CUX1: variants seen among roughly 807,000 people sequenced by gnomAD.
CUX1 encodes the protein protein CASP.
Under a neutral mutation model 158.8 loss-of-function variants are expected in CUX1, and 31 were observed. The ratio of observed to expected loss-of-function variants is 0.20; its 90% confidence interval spans 0.15 to 0.26. The LOEUF is 0.26. Ranked by LOEUF, CUX1 falls within the 10% of genes least tolerant of loss-of-function variation. CUX1 has a pLI of 1.00. For missense variants in CUX1, 1,589 were observed against 2,014.6 expected, an observed-to-expected ratio of 0.79 and a Z score of 4.04; for synonymous variants, 879 against 862.1, an observed-to-expected ratio of 1.02 and a Z score of -0.34.
chr7:101,963,173 A>G (rs899797073), intron 2 of CUX1, among the ~76,000 whole-genome samples: 1 of 152,192 alleles, frequency 6.6e-6, no homozygotes, highest in African/African-American at 2.4e-5. Flanking sequence ...ACCTGGCAGG[A>G]AAATTCCCTG....
intron 8 of CUX1, among the ~76,000 whole-genome samples, chr7:102,136,322 GA>G (rs201569490): frequency 6.7e-6 from 1 of 148,446 alleles, no homozygotes; most frequent in Non-Finnish European, 1.5e-5. Flanking sequence ...TAGTTTAAAA[GA>G]AAAAAAAACA....
chr7:102,246,723 C>T (rs1554537088), intron 23 of CUX1, among the ~76,000 whole-genome samples: 1 of 152,190 alleles, frequency 6.6e-6, no homozygotes, highest in Non-Finnish European at 1.5e-5. Flanking sequence ...GTACCTGCCA[C>T]CACGCCTGGC....
Position 102,070,389 on chromosome 7 carries a change from T to A in CUX1, c.240T>A (p.Asn80Lys), listed in dbSNP as rs1397038203. The A allele has an allele frequency of 6.2e-7, 1 of 1,610,866 alleles. No homozygotes were observed. Among genetic ancestry groups the A allele is most frequent in the East Asian group, 2.2e-5 (1 of 44,764 alleles). The change falls in exon 4 of 24, where the codon AAT (asparagine) becomes AAA (lysine). Residue 80 changes from asparagine (N) to lysine (K), a missense_variant. By Grantham distance (94) the Asn-to-Lys change is moderately conservative. Transcript: ENST00000292535. ...RSKEAEAAFL[N>K]VYKRLIDVPD... is the part of the protein sequence containing the mutation. Reference sequence around the variant, plus strand: ...AGGAAGCTGAAGCAGCTTTCTTGAATGTCTACAAAAGATTGATTGACGTCC... The same window carrying A: ...AGGAAGCTGAAGCAGCTTTCTTGAAAGTCTACAAAAGATTGATTGACGTCC...
At chr7:102,225,513 A>G (rs1395774295) in intron 20 of CUX1, among the ~76,000 whole-genome samples, 2 of 152,180 alleles carry the variant, frequency 1.3e-5, no homozygotes, top group African/African-American at 4.8e-5. Context: ...TGGGCTATCT[A>G]CTATGGTGCT....
chr7:101,842,609 C>T (rs536201971), intron 1 of CUX1, among the ~76,000 whole-genome samples: 3 of 152,290 alleles, frequency 2.0e-5, no homozygotes, highest in Non-Finnish European at 2.9e-5. Context: ...TGGTCTTTAA[C>T]TCCCGGACTC....
intron 1 of CUX1, among the ~76,000 whole-genome samples, chr7:101,887,417 C>G (rs923632636): frequency 3.9e-5 from 6 of 152,034 alleles, no homozygotes; most frequent in Admixed American, 2.0e-4. Flanking sequence ...AGCAGTCCTC[C>G]TACCTCAGCC....
At chr7:102,239,944 A>G (rs948108873) in intron 23 of CUX1, among the ~76,000 whole-genome samples, 12 of 152,080 alleles carry the variant, frequency 7.9e-5, no homozygotes, top group African/African-American at 2.9e-4. Flanking sequence ...ACGGGGTTTC[A>G]CTATGTTGGT....
exon 15 of CUX1, chr7:102,273,398 G>A (rs782760262): frequency 4.3e-6 from 7 of 1,612,368 alleles, no homozygotes; most frequent in Non-Finnish European, 5.9e-6. Flanking sequence ...CCGTATCACT[G>A]AGGCTGTGGC....
At chr7:102,234,496 G>A (rs1586366547) in intron 22 of CUX1, among the ~76,000 whole-genome samples, 2 of 152,160 alleles carry the variant, frequency 1.3e-5, no homozygotes, top group Admixed American at 6.5e-5. Context: ...CAAGGAGAGC[G>A]AAACAGCTCT....
chr7:101,853,385 T>G (rs1562930056), intron 1 of CUX1, among the ~76,000 whole-genome samples: 1 of 152,242 alleles, frequency 6.6e-6, no homozygotes, highest in Non-Finnish European at 1.5e-5. Context: ...TGAGGTTGTC[T>G]GTTATAACTG....
intron 3 of CUX1, among the ~76,000 whole-genome samples, chr7:102,038,383 C>T (rs1430089862): frequency 1.3e-5 from 2 of 152,092 alleles, no homozygotes; most frequent in Admixed American, 1.3e-4. Flanking sequence ...GGGAGAAACC[C>T]AGTAAGGAAA....
intron 2 of CUX1, among the ~76,000 whole-genome samples, chr7:102,022,741 T>A (rs949865190): frequency 1.3e-5 from 2 of 152,278 alleles, no homozygotes; most frequent in Non-Finnish European, 2.9e-5. Context: ...TATTTTGGCT[T>A]TTGCCAAAAG....
intron 2 of CUX1, among the ~76,000 whole-genome samples, chr7:101,994,921 C>G (rs1293251775): frequency 7.5e-6 from 1 of 133,106 alleles, no homozygotes; most frequent in Non-Finnish European, 1.6e-5. Flanking sequence ...AAGATCTCAT[C>G]TCTACAAAAA....
In CUX1 at chr7:102,254,784, G is replaced by A. The variant is rs1201087711; in HGVS notation, c.*5742G>A. 4 of 985,398 alleles carry A rather than the reference G, an allele frequency of 4.1e-6. No individual in the cohort carries two copies. Among genetic ancestry groups the A allele is most frequent in the Non-Finnish European group, 4.8e-6 (4 of 829,988 alleles). The allele number at this position is 985,398 out of a possible 1,614,324, so 61.0% of individuals were successfully genotyped here. On this transcript the variant is annotated 3_prime_UTR_variant, in exon 24 of 24. Transcript: ENST00000292535. The stretch of plus-strand genomic sequence containing the variant: ...TGGTGACCTGAGGCCAGTGTGATGT[G>A]GTTGGATCTCAGCGTGTACTGAATG...
At chr7:101,825,183 A>C (rs1793117372) in intron 1 of CUX1, among the ~76,000 whole-genome samples, 1 of 152,268 alleles carries the variant, frequency 6.6e-6, no homozygotes. Context: ...GCTGTTAATC[A>C]AATCCCATCT....
At chr7:102,170,106 T>C (rs559831217) in intron 9 of CUX1, among the ~76,000 whole-genome samples, 1 of 152,324 alleles carries the variant, frequency 6.6e-6, no homozygotes, top group South Asian at 2.1e-4. Context: ...TAAAATCTTC[T>C]TGGTCTATGA....
exon 18 of CUX1, chr7:102,277,967 C>T: frequency 6.4e-7 from 1 of 1,562,028 alleles, no homozygotes; most frequent in Non-Finnish European, 8.7e-7. Context: ...CCTGGCCCAG[C>T]ACACCCTCCA....
intron 1 of CUX1, among the ~76,000 whole-genome samples, chr7:101,851,297 C>T (rs940505058): frequency 6.6e-6 from 1 of 152,046 alleles, no homozygotes; most frequent in Non-Finnish European, 1.5e-5. Flanking sequence ...GGAAGGCCAT[C>T]AGTGAGGTAG....
At chr7:101,992,009 TAGTG>T (rs1253206797) in intron 2 of CUX1, among the ~76,000 whole-genome samples, 5 of 152,268 alleles carry the variant, frequency 3.3e-5, no homozygotes, top group African/African-American at 1.2e-4. Context: ...TTGGGCAACA[TAGTG>T]AGATTCCGTT....
Sources: gnomAD v4.1 joint callset for allele counts (sites outside exome capture counted in the v4.1 genomes callset) on GRCh38, gnomAD v4.1.1 for gene constraint, MANE v1.5 for transcripts, NCBI Gene and HGNC (gene_info 2026-07-23, HGNC 2026-07-21) for gene names.